The following PRPSAP2 variants were observed in gnomAD, a reference collection of about 807,000 sequenced individuals.
The protein encoded by PRPSAP2 is phosphoribosyl pyrophosphate synthetase associated protein 2, also known as phosphoribosyl pyrophosphate synthase-associated protein 2.
A neutral mutation model predicts 40.6 loss-of-function variants in PRPSAP2; 24 were observed. The ratio of observed to expected loss-of-function variants is 0.59; its 90% confidence interval spans 0.43 to 0.83. The LOEUF (loss-of-function observed/expected upper bound fraction) is 0.83. Among genes scored for constraint, PRPSAP2 ranks in the 40% least tolerant of loss-of-function variants. PRPSAP2 has a pLI of 0.00. For missense variants in PRPSAP2, 292 were observed against 465.6 expected (o/e 0.63, Z 3.43); for synonymous variants, 149 against 164.7 (o/e 0.90, Z 0.73).
chr17:18,915,253 G>A (rs1022575759), intron 9 of PRPSAP2, among the ~76,000 whole-genome samples: 27 of 150,298 alleles, frequency 1.8e-4, no homozygotes, highest in African/African-American at 6.1e-4. Flanking sequence ...TTGAACTCTT[G>A]GGCTCAAAGC....
At chr17:18,922,327 G>A (rs1258766275) in intron 9 of PRPSAP2, among the ~76,000 whole-genome samples, 1 of 152,084 alleles carries the variant, frequency 6.6e-6, no homozygotes, top group Non-Finnish European at 1.5e-5. Flanking sequence ...TGCGTCACTT[G>A]GTGTATGTTT....
At chr17:18,904,826 A>G (rs1187055874) in intron 8 of PRPSAP2, 2 of 152,170 alleles carry the variant, frequency 1.3e-5, no homozygotes, top group Non-Finnish European at 2.9e-5. Flanking sequence ...CCATGATGTA[A>G]ATTAACTCAT....
chr17:18,884,361 CAG>C (rs2038982207), intron 7 of PRPSAP2, among the ~76,000 whole-genome samples: 1 of 150,198 alleles, frequency 6.7e-6, no homozygotes. Flanking sequence ...TTTTTTGAGA[CAG>C]GGTCTTTCTC....
At position 18,869,858 on chromosome 17, in the gene PRPSAP2, G is replaced by GTGTGTGTGTGTGTA. The variant is rs1382870870; in HGVS notation, c.172+2532_172+2533insTGTGTATGTGTGTG. Among the ~76,000 whole-genome samples the GTGTGTGTGTGTGTA allele has an allele frequency of 1.5e-3, 224 of 148,906 alleles. 1 individual carries two copies. The highest frequency in any genetic ancestry group is 2.1e-3 in the Non-Finnish European group (144 of 67,390). On this transcript the variant is annotated intron_variant, in intron 4 of 11. Coordinates refer to ENST00000268835, the MANE Select transcript of PRPSAP2 (RefSeq NM_002767.4). ...ACTTTTTTTTTGTGTGTGTGTGTGTGTGTGTGTGAGACAGAGTCTTGCTCC... is the reference window on the plus strand; with the variant it reads ...ACTTTTTTTTTGTGTGTGTGTGTGTGTGTGTGTGTGTGTATGTGTGTGAGACAGAGTCTTGCTCC...
chr17:18,900,695 G>A (rs1270963216), intron 8 of PRPSAP2, among the ~76,000 whole-genome samples: 1 of 152,046 alleles, frequency 6.6e-6, no homozygotes, highest in Non-Finnish European at 1.5e-5. Flanking sequence ...GGTAGAAGTC[G>A]AGATTCACCA....
At position 18,882,698 on chromosome 17, in the gene PRPSAP2, A is replaced by C; in HGVS notation, c.528+15A>C. The stretch of plus-strand genomic sequence containing the variant: ...TTCAAGAAGAGGTGAGCTAGCTCAA[A>C]CTTTTTTATTTTAACATTCTGATTA... On this transcript the variant is annotated intron_variant, in intron 7 of 11. Coordinates refer to ENST00000268835, the MANE Select transcript of PRPSAP2 (RefSeq NM_002767.4). 6.8e-7 allele frequency: 1 copy of C among 1,477,138 alleles called. No homozygotes were observed. The highest frequency in any genetic ancestry group is 9.4e-7 in the Non-Finnish European group (1 of 1,059,790). The allele number at this position is 1,477,138 out of a possible 1,614,324, so 91.5% of individuals were successfully genotyped here. A position where few individuals can be genotyped will look rare whatever the true frequency, so the allele number is the denominator to read the frequency against.
At chr17:18,922,255 A>G (rs1213039153) in intron 9 of PRPSAP2, among the ~76,000 whole-genome samples, 1 of 152,162 alleles carries the variant, frequency 6.6e-6, no homozygotes, top group Non-Finnish European at 1.5e-5. Context: ...ATATTCATGT[A>G]TGAGTTTTCT....
At chr17:18,898,423 C>G (rs939829426) in intron 8 of PRPSAP2, among the ~76,000 whole-genome samples, 1 of 152,146 alleles carries the variant, frequency 6.6e-6, no homozygotes, top group African/African-American at 2.4e-5. Flanking sequence ...TTTATTGTTT[C>G]CTTTCTGTTT....
chr17:18,897,754 C>T (rs1157966060), intron 8 of PRPSAP2, among the ~76,000 whole-genome samples: 1 of 152,132 alleles, frequency 6.6e-6, no homozygotes, highest in Admixed American at 6.6e-5. Context: ...TGAGCCACCA[C>T]GCCCGGCCCT....
intron 9 of PRPSAP2, among the ~76,000 whole-genome samples, chr17:18,914,423 A>AT (rs35469900): frequency 0.21 from 28,739 of 134,962 alleles, 3,028 homozygotes; most frequent in Middle Eastern, 0.28. Flanking sequence ...GGCCTGGCTA[A>AT]TTTTTTTTTT....
intron 8 of PRPSAP2, among the ~76,000 whole-genome samples, chr17:18,907,331 G>C (rs1176461577): frequency 6.6e-6 from 1 of 151,892 alleles, no homozygotes; most frequent in African/African-American, 2.4e-5. Context: ...ATGATAAAGG[G>C]GTCAGTTCTT....
chr17:18,881,640 C>T (rs1035749387), intron 6 of PRPSAP2, among the ~76,000 whole-genome samples: 7 of 150,700 alleles, frequency 4.6e-5, no homozygotes, highest in Non-Finnish European at 8.9e-5. Flanking sequence ...TGCACTGAAG[C>T]GATTCTCCCA....
chr17:18,864,608 A>G (rs1433754670), intron 1 of PRPSAP2, among the ~76,000 whole-genome samples: 2 of 152,020 alleles, frequency 1.3e-5, no homozygotes, highest in African/African-American at 4.8e-5. Context: ...AGGTTTTTAT[A>G]GGGAGGATGT....
chr17:18,888,798 A>AG lies in PRPSAP2; in HGVS notation c.529-1020dup, dbSNP rs1228748930. Among the ~76,000 whole-genome samples, 77 of 34,294 alleles carry AG rather than the reference A, an allele frequency of 2.2e-3. 14 individuals carry two copies. The highest frequency in any genetic ancestry group is 0.02 in the Admixed American group (75 of 3,788). The allele number at this position is 34,294 out of a possible 152,430, so 22.5% of individuals were successfully genotyped here. Reference sequence around the variant, plus strand: ...GCGGACGGGGCGGCTGGCCGGGCAGAGGGGCTCCTCACTTCCCAGTAGGGG... The same window carrying AG: ...GCGGACGGGGCGGCTGGCCGGGCAGAGGGGGCTCCTCACTTCCCAGTAGGGG... On this transcript the variant is annotated intron_variant, in intron 7 of 11. Coordinates refer to ENST00000268835, the MANE Select transcript of PRPSAP2 (RefSeq NM_002767.4).
chr17:18,914,970 C>A (rs552419873), intron 9 of PRPSAP2, among the ~76,000 whole-genome samples: 1 of 151,842 alleles, frequency 6.6e-6, no homozygotes, highest in East Asian at 1.9e-4. Context: ...AAGTGGTCCG[C>A]CTGCCTCAGC....
intron 1 of PRPSAP2, chr17:18,861,316 T>C (rs1412661052): frequency 2.0e-5 from 3 of 152,016 alleles, no homozygotes; most frequent in Non-Finnish European, 2.9e-5. Context: ...AATACAAAAT[T>C]AGACGGGTGT....
chr17:18,881,188 A>ATT (rs371658856), intron 6 of PRPSAP2, among the ~76,000 whole-genome samples: 1 of 129,584 alleles, frequency 7.7e-6, no homozygotes, highest in Non-Finnish European at 1.7e-5. Flanking sequence ...AAAAAAAAAA[A>ATT]TTTTTTTTGA....
chr17:18,930,234 G>A (rs1019521538), intron 11 of PRPSAP2, among the ~76,000 whole-genome samples: 3 of 152,118 alleles, frequency 2.0e-5, no homozygotes, highest in Admixed American at 1.3e-4. Flanking sequence ...TTACTTGAGC[G>A]TGGTGGCGGG....
At chr17:18,921,125 A>G (rs1288205928) in intron 9 of PRPSAP2, among the ~76,000 whole-genome samples, 2 of 152,036 alleles carry the variant, frequency 1.3e-5, no homozygotes, top group African/African-American at 4.8e-5. Flanking sequence ...TGTAAACAGC[A>G]TTTTTATGGC....
Sources: gnomAD v4.1 joint callset for allele counts (sites outside exome capture counted in the v4.1 genomes callset) on GRCh38, gnomAD v4.1.1 for gene constraint, MANE v1.5 for transcripts, NCBI Gene and HGNC (gene_info 2026-07-23, HGNC 2026-07-21) for gene names.